FAM81B: variants seen among roughly 807,000 people sequenced by gnomAD.
FAM81B encodes the protein protein FAM81B.
In FAM81B, 60 loss-of-function variants were observed where a neutral mutation model predicts 58.7. The ratio of observed to expected loss-of-function variants is 1.02; its 90% CI spans 0.83 to 1.27. The LOEUF is 1.27. FAM81B is among the 50% of genes most tolerant of loss of function. The pLI, the probability that FAM81B is intolerant of heterozygous loss-of-function variation, is 0.00. For missense variants in FAM81B, 491 were observed against 522.0 expected (o/e 0.94, Z 0.58); for synonymous variants, 189 against 179.6 (o/e 1.05, Z -0.42).
Position 95,441,068 on chromosome 5 carries a change from T to C in FAM81B, c.893+4162T>C, listed in dbSNP as rs546456769. On this transcript the variant is annotated intron_variant, in intron 7 of 9. Transcript: ENST00000283357. ...AATTCCGTCTCCACCACCATCCTCA[T>C]TAGTAAATTGAAACCCGAGACGATG... 2.0e-5 allele frequency among the ~76,000 whole-genome samples: 3 copies of C among 152,130 alleles called. No homozygotes were observed. The South Asian group carries it at 6.2e-4, about 32-fold the overall frequency.
intron 6 of FAM81B, among the ~76,000 whole-genome samples, chr5:95,436,062 T>C (rs997297281): frequency 6.6e-6 from 1 of 152,234 alleles, no homozygotes; most frequent in Non-Finnish European, 1.5e-5. Context: ...AAGCCAATCA[T>C]GTAGTTTCAT....
chr5:95,425,139 T>C (rs1446136574), intron 5 of FAM81B, among the ~76,000 whole-genome samples: 1 of 145,250 alleles, frequency 6.9e-6, no homozygotes, highest in African/African-American at 2.6e-5. Flanking sequence ...ATAGAACTAA[T>C]AGAAGGCCCT....
At chr5:95,444,774 T>C (rs139626490) in intron 7 of FAM81B, among the ~76,000 whole-genome samples, 3 of 152,330 alleles carry the variant, frequency 2.0e-5, no homozygotes, top group African/African-American at 7.2e-5. Context: ...CTGTAACTAA[T>C]ATAACTATTG....
intron 4 of FAM81B, among the ~76,000 whole-genome samples, chr5:95,417,330 G>A (rs1762563602): frequency 6.6e-6 from 1 of 152,076 alleles, no homozygotes; most frequent in Non-Finnish European, 1.5e-5. Context: ...CTTAGTGAAA[G>A]TGTTGAATCC....
At chr5:95,442,505 T>C (rs1309728901) in intron 7 of FAM81B, among the ~76,000 whole-genome samples, 1 of 152,226 alleles carries the variant, frequency 6.6e-6, no homozygotes, top group Non-Finnish European at 1.5e-5. Flanking sequence ...AGAAAGTGTC[T>C]GACTCTAAAG....
intron 5 of FAM81B, among the ~76,000 whole-genome samples, chr5:95,424,727 G>A (rs1257161675): frequency 2.0e-5 from 3 of 152,196 alleles, no homozygotes; most frequent in Non-Finnish European, 4.4e-5. Context: ...TGCCACTAGG[G>A]AGAGGAACTG....
intron 6 of FAM81B, among the ~76,000 whole-genome samples, chr5:95,433,508 G>A (rs918263289): frequency 6.6e-6 from 1 of 152,072 alleles, no homozygotes; most frequent in Non-Finnish European, 1.5e-5. Context: ...TATCAAGGAA[G>A]TTTTTTCCCC....
chr5:95,410,305 C>T (rs1026777325), intron 3 of FAM81B, among the ~76,000 whole-genome samples: 3 of 152,150 alleles, frequency 2.0e-5, no homozygotes, highest in African/African-American at 7.2e-5. Flanking sequence ...TGATGACTTC[C>T]TCAGTCAGCT....
At chr5:95,392,140 C>T (rs951866887) in intron 1 of FAM81B, among the ~76,000 whole-genome samples, 11 of 152,054 alleles carry the variant, frequency 7.2e-5, no homozygotes, top group African/African-American at 1.4e-4. Flanking sequence ...AAGAAAATGC[C>T]GCACATATAC....
intron 3 of FAM81B, among the ~76,000 whole-genome samples, chr5:95,409,854 CT>C (rs1271567072): frequency 2.6e-5 from 4 of 152,316 alleles, no homozygotes; most frequent in African/African-American, 7.2e-5. Flanking sequence ...AAACAAACTT[CT>C]TATTTTTTAA....
chr5:95,433,904 C>CT (rs1745002678), intron 6 of FAM81B, among the ~76,000 whole-genome samples: 1 of 152,126 alleles, frequency 6.6e-6, no homozygotes, highest in Non-Finnish European at 1.5e-5. Flanking sequence ...CATAACTACT[C>CT]TTTTTTCTTT....
At chr5:95,428,834 C>A in intron 6 of FAM81B, 102 bp downstream of exon 6, 2 of 1,490,154 alleles carry the variant, frequency 1.3e-6, no homozygotes, top group Non-Finnish European at 1.8e-6. Flanking sequence ...TTTAAGAGAA[C>A]TCTTTTCTTC....
chr5:95,432,254 G>A (rs1329923796), intron 6 of FAM81B, among the ~76,000 whole-genome samples: 1 of 151,990 alleles, frequency 6.6e-6, no homozygotes, highest in Admixed American at 6.6e-5. Context: ...CACTCATTAT[G>A]ATGTATTTTG....
rs949155682 is a variant in FAM81B, at chr5:95,417,311, A to AT, written c.538-2965dup. Among the ~76,000 whole-genome samples, 12 of 152,102 alleles carry AT rather than the reference A, an allele frequency of 7.9e-5. No individual in the cohort carries two copies. In the Middle Eastern group the frequency reaches 0.01, roughly 129 times the overall value. ...GCTAACTTCATGGAACAGAAATAAG[A>AT]TTTTTTTTCTTAGTGAAAGTGTTGA... On this transcript the variant is annotated intron_variant, in intron 4 of 9. Transcript: ENST00000283357.
intron 5 of FAM81B, among the ~76,000 whole-genome samples, chr5:95,423,834 T>C (rs1762752172): frequency 1.3e-5 from 2 of 152,102 alleles, no homozygotes; most frequent in African/African-American, 4.8e-5. Flanking sequence ...ACTGATACAG[T>C]CCTTCTCAGA....
chr5:95,409,486 T>TTTTTTTTTTTTTTTTTTTTGAGACGG (rs1554043553), intron 3 of FAM81B, among the ~76,000 whole-genome samples: 2 of 151,520 alleles, frequency 1.3e-5, no homozygotes, highest in African/African-American at 4.8e-5. Flanking sequence ...GAATTTTTCT[T>TTTTTTTTTTTTTTTTTTTTGAGACGG]AATGTGGCTA....
intron 2 of FAM81B, among the ~76,000 whole-genome samples, chr5:95,393,222 G>A (rs981662859): frequency 6.6e-6 from 1 of 152,118 alleles, no homozygotes; most frequent in African/African-American, 2.4e-5. Flanking sequence ...ATGAAAACCG[G>A]TATAGCTAAA....
chr5:95,449,540 A>T lies in FAM81B; in HGVS notation c.1226-609A>T, dbSNP rs1745712524. Among the ~76,000 whole-genome samples the T allele has an allele frequency of 2.6e-5, 4 of 152,180 alleles. No homozygotes were observed. The South Asian group carries it at 8.3e-4, about 31-fold the overall frequency. On this transcript the variant is annotated intron_variant, in intron 9 of 9. Transcript: ENST00000283357. ...TTCTAAAAAGGGGGAACTTCAAATT[A>T]ATGGTTTGCTGCTTTATGCCTTTAA...
At chr5:95,417,015 G>A (rs1762554794) in intron 4 of FAM81B, among the ~76,000 whole-genome samples, 1 of 152,148 alleles carries the variant, frequency 6.6e-6, no homozygotes, top group Admixed American at 6.5e-5. Flanking sequence ...CTGCACTCCA[G>A]CCTGGGCGAC....
Sources: allele counts gnomAD v4.1 joint callset (sites outside exome capture counted in the v4.1 genomes callset), GRCh38; gene constraint gnomAD v4.1.1; transcripts MANE v1.5; gene names NCBI Gene and HGNC (gene_info 2026-07-23, HGNC 2026-07-21).